PCDH9: variants seen among roughly 807,000 people sequenced by gnomAD.
The protein encoded by PCDH9 is protocadherin 9.
In PCDH9, 24 loss-of-function variants were observed where a neutral mutation model predicts 70.6. The observed-to-expected ratio is 0.34, with a 90% CI of 0.25 to 0.48. PCDH9 has a LOEUF of 0.48. PCDH9 is among the 20% of genes least tolerant of loss of function. PCDH9 has a pLI of 0.99. For synonymous variants in PCDH9, 562 were observed against 558.5 expected, an observed-to-expected ratio of 1.01 and a Z score of -0.09; for missense variants, 1,281 against 1,503.6, an observed-to-expected ratio of 0.85 and a Z score of 2.45.
At chr13:66,744,522 C>T (rs2079327748) in intron 3 of PCDH9, among the ~76,000 whole-genome samples, 1 of 152,172 alleles carries the variant, frequency 6.6e-6, no homozygotes, top group Admixed American at 6.6e-5. Context: ...ATCTACCACA[C>T]ACAAAACATG....
chr13:67,024,885 T>C (rs780976001), intron 2 of PCDH9, among the ~76,000 whole-genome samples: 4 of 152,160 alleles, frequency 2.6e-5, no homozygotes, highest in African/African-American at 7.2e-5. Context: ...ACTCACATAA[T>C]TGATGAAGGA....
chr13:66,814,075 G>C (rs1428456888), intron 3 of PCDH9, among the ~76,000 whole-genome samples: 2 of 152,230 alleles, frequency 1.3e-5, no homozygotes, highest in South Asian at 4.1e-4. Flanking sequence ...CTTATCCACT[G>C]GGGACAGGAA....
At chr13:66,390,429 A>T (rs1391247951) in intron 4 of PCDH9, among the ~76,000 whole-genome samples, 1 of 152,132 alleles carries the variant, frequency 6.6e-6, no homozygotes, top group East Asian at 1.9e-4. Flanking sequence ...TAGGACAGCT[A>T]GAGGTTTTGT....
rs537709787 is a variant in PCDH9, at chr13:66,670,013, G to T, written c.3139-38602C>A. ...CCACCAAAAGGTACCTCTAAAAGAG[G>T]ACTTCCTTGAACACCATATATAAAC... is the stretch of plus-strand genomic sequence containing the variant. On this transcript the variant is annotated intron_variant, in intron 3 of 4. Transcript: ENST00000377865. Among the ~76,000 whole-genome samples the T allele has an allele frequency of 2.6e-5, 4 of 152,200 alleles. No individual in the cohort carries two copies. The South Asian group carries it at 8.3e-4, about 32-fold the overall frequency.
intron 4 of PCDH9, among the ~76,000 whole-genome samples, chr13:66,316,595 C>A (rs1955655381): frequency 6.6e-6 from 1 of 152,166 alleles, no homozygotes; most frequent in Non-Finnish European, 1.5e-5. Context: ...CTGGAATATT[C>A]TTCTCCTGGG....
intron 3 of PCDH9, among the ~76,000 whole-genome samples, chr13:66,870,999 C>T (rs1219972022): frequency 6.6e-6 from 1 of 152,090 alleles, no homozygotes; most frequent in East Asian, 1.9e-4. Context: ...AAATGTCCAA[C>T]AATGATAGGC....
At chr13:66,899,605 T>C (rs887542811) in intron 3 of PCDH9, among the ~76,000 whole-genome samples, 1 of 152,030 alleles carries the variant, frequency 6.6e-6, no homozygotes, top group Admixed American at 6.6e-5. Flanking sequence ...TTCCTACAGA[T>C]TGCAGAATAC....
chr13:66,500,497 T>TTTTG (rs1452012023), intron 4 of PCDH9, among the ~76,000 whole-genome samples: 6 of 152,234 alleles, frequency 3.9e-5, no homozygotes, highest in East Asian at 1.9e-4. Context: ...GGATAAGTTT[T>TTTTG]TTTGTTTGTT....
chr13:66,362,997 A>G (rs752129541), intron 4 of PCDH9, among the ~76,000 whole-genome samples: 2 of 152,106 alleles, frequency 1.3e-5, no homozygotes, highest in Non-Finnish European at 2.9e-5. Flanking sequence ...CCTGGCCAAC[A>G]TGGAGAAACC....
At chr13:66,683,267 T>C (rs2078353447) in intron 3 of PCDH9, among the ~76,000 whole-genome samples, 2 of 152,160 alleles carry the variant, frequency 1.3e-5, no homozygotes, top group African/African-American at 4.8e-5. Flanking sequence ...AGTCCAGATA[T>C]ACTGTCAATT....
At chr13:67,169,692 C>A (rs984285211) in intron 2 of PCDH9, among the ~76,000 whole-genome samples, 1 of 152,118 alleles carries the variant, frequency 6.6e-6, no homozygotes, top group African/African-American at 2.4e-5. Flanking sequence ...AAAAATTCAA[C>A]AAAGTGTATC....
chr13:66,732,562 A>C (rs886634918), intron 3 of PCDH9, among the ~76,000 whole-genome samples: 2 of 152,064 alleles, frequency 1.3e-5, no homozygotes, highest in African/African-American at 4.8e-5. Context: ...ATTATTTCCC[A>C]AAGGTATTAA....
intron 4 of PCDH9, among the ~76,000 whole-genome samples, chr13:66,375,658 A>C (rs559750471): frequency 6.6e-6 from 1 of 152,242 alleles, no homozygotes; most frequent in South Asian, 2.1e-4. Flanking sequence ...TACAGGCAGA[A>C]GTAAGAAAGT....
At chr13:66,882,393 C>T (rs1234561758) in intron 3 of PCDH9, among the ~76,000 whole-genome samples, 1 of 152,120 alleles carries the variant, frequency 6.6e-6, no homozygotes, top group Non-Finnish European at 1.5e-5. Context: ...AGTTTTGCTC[C>T]TGCTTTCTCC....
chr13:66,644,441 G>A (rs1196104104), intron 3 of PCDH9, among the ~76,000 whole-genome samples: 8 of 151,752 alleles, frequency 5.3e-5, no homozygotes, highest in Non-Finnish European at 8.8e-5. Flanking sequence ...CCTAAAAATA[G>A]TCTTAAAAAA....
intron 4 of PCDH9, among the ~76,000 whole-genome samples, chr13:66,308,032 C>T (rs933880361): frequency 6.6e-6 from 1 of 152,094 alleles, no homozygotes. Flanking sequence ...GATGTCAACA[C>T]TATCCTCATG....
intron 3 of PCDH9, among the ~76,000 whole-genome samples, chr13:66,844,207 A>G (rs1306056055): frequency 1.3e-5 from 2 of 152,176 alleles, no homozygotes; most frequent in African/African-American, 2.4e-5. Flanking sequence ...ACCATAAAAA[A>G]GATTAGTTTC....
chr13:66,830,264 T>C (rs1418960155), intron 3 of PCDH9, among the ~76,000 whole-genome samples: 3 of 152,170 alleles, frequency 2.0e-5, no homozygotes, highest in Admixed American at 6.5e-5. Flanking sequence ...CTCACACCCA[T>C]ATGACTGTTC....
At chr13:66,906,856 C>T (rs541247729) in intron 2 of PCDH9, among the ~76,000 whole-genome samples, 57 of 151,930 alleles carry the variant, frequency 3.8e-4, no homozygotes, top group Non-Finnish European at 6.9e-4. Context: ...TATGAATCCT[C>T]CCTAACAAAT....
Sources: gnomAD v4.1 joint callset for allele counts (sites outside exome capture counted in the v4.1 genomes callset) on GRCh38, gnomAD v4.1.1 for gene constraint, MANE v1.5 for transcripts, NCBI Gene and HGNC (gene_info 2026-07-23, HGNC 2026-07-21) for gene names.